Variants in GMNC observed in about 807,000 individuals in gnomAD.
The protein encoded by GMNC is geminin coiled-coil domain containing, also known as geminin coiled-coil domain-containing protein 1.
GMNC carries 16 observed loss-of-function variants against 33.6 expected under a neutral mutation model. The ratio of observed to expected loss-of-function variants is 0.48; its 90% CI spans 0.32 to 0.72. The LOEUF is 0.72. Ranked by LOEUF, GMNC falls within the 30% of genes least tolerant of loss-of-function variation. GMNC has a pLI of 0.03. For missense variants in GMNC, 393 were observed against 388.9 expected (o/e 1.01, Z -0.09); for synonymous variants, 156 against 147.3 (o/e 1.06, Z -0.43).
rs1737871501 is a variant in GMNC, at chr3:190,861,539, G to T, written c.4-681C>A. Among the ~76,000 whole-genome samples, 1 of 151,402 alleles carries T rather than the reference G, an allele frequency of 6.6e-6. No individual in the cohort carries two copies. The highest frequency in any genetic ancestry group is 2.1e-4 in the South Asian group (1 of 4,790). On this transcript the variant is annotated intron_variant, in intron 1 of 4. Coordinates refer to ENST00000442080, the MANE Select transcript of GMNC (RefSeq NM_001146686.3). This position sits in a 1 kb window ranked among gnomAD's most constrained non-coding sequence, Gnocchi z 5.1. ...GTCCCAGAGATAATTAAAACATTTTGCTCCCAACACTAAGCACAGGACCAC... is the reference window on the plus strand; with the variant it reads ...GTCCCAGAGATAATTAAAACATTTTTCTCCCAACACTAAGCACAGGACCAC...
At chr3:190,844,641 C>G in the GMNC span, among the ~76,000 whole-genome samples, 1 of 151,822 alleles carries the variant, frequency 6.6e-6, no homozygotes, top group African/African-American at 2.4e-5. Context: ...TTGACAGTCT[C>G]TATTTTGCCA....
At chr3:190,851,170 C>G (rs953491052), downstream of GMNC, among the ~76,000 whole-genome samples, 2 of 152,150 alleles carry the variant, frequency 1.3e-5, no homozygotes, top group Admixed American at 6.5e-5. Flanking sequence ...TCAAAATTTT[C>G]ATATGTGGAT....
In GMNC at chr3:190,853,036, A is replaced by G. The variant is rs1737661039; in HGVS notation, c.*2259T>C. The G allele has an allele frequency of 6.6e-6, 1 of 152,156 alleles. No individual in the cohort carries two copies. Among genetic ancestry groups the G allele is most frequent in the Non-Finnish European group, 1.5e-5 (1 of 67,984 alleles). 9.4% of individuals were successfully genotyped at this position (152,156 alleles called of 1,614,324 possible). A position where few individuals can be genotyped will look rare whatever the true frequency, so the allele number is the denominator to read the frequency against. ...AGAAGCCAGGAAACCATCACATTTTATCCCAAATGTTCGGTAATATCTTTA... is the reference window on the plus strand; with the variant it reads ...AGAAGCCAGGAAACCATCACATTTTGTCCCAAATGTTCGGTAATATCTTTA... On this transcript the variant is annotated 3_prime_UTR_variant, in exon 5 of 5. Coordinates refer to ENST00000442080, the MANE Select transcript of GMNC (RefSeq NM_001146686.3).
At chr3:190,857,620 G>A (rs986029836) in intron 4 of GMNC, among the ~76,000 whole-genome samples, 163 bp downstream of exon 4, 17 of 152,116 alleles carry the variant, frequency 1.1e-4, no homozygotes, top group African/African-American at 3.9e-4. Flanking sequence ...AGAAATGATA[G>A]ATAAAAATTC....
chr3:190,848,437 C>G (rs545446871), downstream of GMNC, among the ~76,000 whole-genome samples: 12 of 152,252 alleles, frequency 7.9e-5, no homozygotes, highest in South Asian at 2.5e-3. Flanking sequence ...ATCATGCCTT[C>G]AATGAATCCT....
chr3:190,857,449 G>A (rs1321040348), intron 4 of GMNC, among the ~76,000 whole-genome samples: 1 of 152,106 alleles, frequency 6.6e-6, no homozygotes, highest in Admixed American at 6.6e-5. Context: ...AAAGAACTGA[G>A]TGTCTTTTAG....
In GMNC at chr3:190,855,292, T is replaced by C. The variant is rs749054686; in HGVS notation, c.*3A>G. Reference sequence around the variant, plus strand: ...GCAGTGCTTTGTGATAAAAGAGGGGTCACTAAGACTGCTTAGGGACCCAGG... The same window carrying C: ...GCAGTGCTTTGTGATAAAAGAGGGGCCACTAAGACTGCTTAGGGACCCAGG... On this transcript the variant is annotated 3_prime_UTR_variant, in exon 5 of 5. Transcript: ENST00000442080. The C allele has an allele frequency of 2.0e-5, 31 of 1,549,432 alleles. No individual in the cohort carries two copies. In the African/African-American group the frequency reaches 2.5e-4, roughly 12 times the overall value.
downstream of GMNC, among the ~76,000 whole-genome samples, chr3:190,849,945 A>G (rs78438142): frequency 0.06 from 9,193 of 152,300 alleles, 338 homozygotes; most frequent in African/African-American, 0.097. Flanking sequence ...TTTCATAAGG[A>G]TCATTTATAC....
At chr3:190,856,299 T>C (rs1737737068) in intron 4 of GMNC, among the ~76,000 whole-genome samples, 1 of 140,150 alleles carries the variant, frequency 7.1e-6, no homozygotes, top group Admixed American at 7.2e-5. Flanking sequence ...TATTTATAAA[T>C]AATACTTATA....
At chr3:190,848,424 G>A (rs1192273885), downstream of GMNC, among the ~76,000 whole-genome samples, 2 of 152,078 alleles carry the variant, frequency 1.3e-5, no homozygotes, top group Non-Finnish European at 2.9e-5. Flanking sequence ...GCATTTTTCT[G>A]ATATCATGCC....
In GMNC at chr3:190,853,714, CATT is replaced by C. The variant is rs1445817421; in HGVS notation, c.*1578_*1580del. The C allele has an allele frequency of 6.6e-6, 1 of 151,908 alleles. No individual in the cohort carries two copies. Among genetic ancestry groups the C allele is most frequent in the Non-Finnish European group, 1.5e-5 (1 of 67,960 alleles). The allele number at this position is 151,908 out of a possible 1,614,324, so 9.4% of individuals were successfully genotyped here. On this transcript the variant is annotated 3_prime_UTR_variant, in exon 5 of 5. Transcript: ENST00000442080. ...CAGGTTTCAACATGAAAGATTTCATCATTAATTGAAGTTTGTCCAAAAAACATA... is the reference window on the plus strand; with the variant it reads ...CAGGTTTCAACATGAAAGATTTCATCAATTGAAGTTTGTCCAAAAAACATA...
the GMNC span, among the ~76,000 whole-genome samples, chr3:190,843,659 A>G: frequency 2.6e-5 from 4 of 152,092 alleles, no homozygotes; most frequent in African/African-American, 9.7e-5. Context: ...GTTGTATCCT[A>G]CATTTTTTTA....
At chr3:190,856,620 TGAG>T (rs1280265970) in intron 4 of GMNC, among the ~76,000 whole-genome samples, 2 of 151,084 alleles carry the variant, frequency 1.3e-5, no homozygotes, top group African/African-American at 4.8e-5. Context: ...TCTTCATTAA[TGAG>T]GAAACTAAAG....
rs570680663 is a variant in GMNC, at chr3:190,853,946, A to G, written c.*1349T>C. ...ATTTTTAGAGGCAAATTATTCTTACACAGTTACGCCGAGTTAACTGCAAAA... is the reference window on the plus strand; with the variant it reads ...ATTTTTAGAGGCAAATTATTCTTACGCAGTTACGCCGAGTTAACTGCAAAA... On this transcript the variant is annotated 3_prime_UTR_variant, in exon 5 of 5. Transcript: ENST00000442080. 43 of 152,152 alleles carry G rather than the reference A, an allele frequency of 2.8e-4. No homozygotes were observed. Among genetic ancestry groups the G allele is most frequent in the Non-Finnish European group, 3.8e-4 (26 of 68,002 alleles). 9.4% of individuals were successfully genotyped at this position (152,152 alleles called of 1,614,324 possible).
chr3:190,860,993 A>G (rs1737853870), intron 1 of GMNC, 135 bp from the exon 2 acceptor site: 1 of 625,490 alleles, frequency 1.6e-6, no homozygotes, highest in Non-Finnish European at 2.7e-6. Flanking sequence ...AAAAGGTGTT[A>G]AGTATAGATC....
At position 190,855,202 on chromosome 3, in the gene GMNC, ACAGCTTCTGTGTTC is replaced by A; in HGVS notation, c.*79_*92del. ...AAAGTGGCAGGAGACAGTCTAAGCA[ACAGCTTCTGTGTTC>A]CACATAGTCAAATTCAAGTGCAAGA... is the stretch of plus-strand genomic sequence containing the variant. On this transcript the variant is annotated 3_prime_UTR_variant, in exon 5 of 5. Transcript: ENST00000442080. The A allele has an allele frequency of 7.7e-7, 1 of 1,292,706 alleles. No homozygotes were observed. The highest frequency in any genetic ancestry group is 1.1e-6 in the Non-Finnish European group (1 of 945,448). The allele number at this position is 1,292,706 out of a possible 1,614,324, so 80.1% of individuals were successfully genotyped here.
rs904531810 is a variant in GMNC at position 190,862,516 on chromosome 3, T to C, written c.3+97A>G. 1.1e-6 allele frequency: 1 copy of C among 924,394 alleles called. No homozygotes were observed. Among genetic ancestry groups the C allele is most frequent in the African/African-American group, 1.6e-5 (1 of 60,860 alleles). 57.3% of individuals were successfully genotyped at this position (924,394 alleles called of 1,614,324 possible). A position where few individuals can be genotyped will look rare whatever the true frequency, so the allele number is the denominator to read the frequency against. Reference sequence around the variant, plus strand: ...TTAACTGGCGGGTAGCGGAGAAATCTTGCTCCGAAGGTGGAATAAATTCTA... The same window carrying C: ...TTAACTGGCGGGTAGCGGAGAAATCCTGCTCCGAAGGTGGAATAAATTCTA... On this transcript the variant is annotated intron_variant, in intron 1 of 4. Transcript: ENST00000442080. The surrounding 1 kb of genome is among the most constrained non-coding windows in gnomAD (Gnocchi z 4.5).
the GMNC span, among the ~76,000 whole-genome samples, chr3:190,847,504 T>C: frequency 6.6e-6 from 1 of 152,176 alleles, no homozygotes; most frequent in Non-Finnish European, 1.5e-5. Context: ...CTCAAGTTTA[T>C]TGAACAGAAG....
chr3:190,855,810 T>G lies in GMNC; in HGVS notation c.490A>C (p.Lys164Gln), dbSNP rs1470101615. ...CTAGAGAGGTTTCTTTTGGCATTTT[T>G]GGGATGGGGAATCTCAGCAGGAGAG... ...RYSPAEIPHP[K>Q]NAKRNLSSEF... is the part of the protein sequence containing the mutation. The change falls in exon 5 of 5, where the codon AAA becomes CAA. Residue 164 changes from lysine (K) to glutamine (Q), a missense_variant. Physicochemically the swap from Lys to Gln is moderately conservative, Grantham distance 53. Transcript: ENST00000442080. 6.4e-7 allele frequency: 1 copy of G among 1,551,530 alleles called. No individual in the cohort carries two copies. The highest frequency in any genetic ancestry group is 2.4e-5 in the East Asian group (1 of 40,918).
Sources: gnomAD v4.1 joint callset for allele counts (sites outside exome capture counted in the v4.1 genomes callset) on GRCh38, gnomAD v4.1.1 for gene constraint, Gnocchi (gnomAD v3.1) non-coding constraint, MANE v1.5 for transcripts, NCBI Gene and HGNC (gene_info 2026-07-23, HGNC 2026-07-21) for gene names.